The following PTH2R variants were observed in gnomAD, a reference collection of about 807,000 sequenced individuals.
The protein encoded by PTH2R is parathyroid hormone 2 receptor, also known as PTH2 receptor.
Under a neutral mutation model 60.3 loss-of-function variants are expected in PTH2R, and 59 were observed. The ratio of observed to expected loss-of-function variants is 0.98; its 90% CI spans 0.79 to 1.22. The LOEUF (loss-of-function observed/expected upper bound fraction) is 1.22, where lower values mean the gene tolerates loss of function less well. PTH2R is among the 50% of genes most tolerant of loss of function. The pLI is 0.00. For missense variants in PTH2R, 749 were observed against 682.6 expected, an observed-to-expected ratio of 1.10 and a Z score of -1.08; for synonymous variants, 256 against 243.8, an observed-to-expected ratio of 1.05 and a Z score of -0.47.
At chr2:208,373,980 C>A (rs1338413973) in intron 1 of PTH2R, among the ~76,000 whole-genome samples, 1 of 151,978 alleles carries the variant, frequency 6.6e-6, no homozygotes, top group Non-Finnish European at 1.5e-5. Flanking sequence ...GTATTTTTGT[C>A]CCTATATCAT....
Position 208,437,558 on chromosome 2 carries a change from G to A in PTH2R, c.200G>A (p.Trp67Ter), listed in dbSNP as rs1574872050. The A allele has an allele frequency of 6.2e-7, 1 of 1,611,318 alleles. No homozygotes were observed. Among genetic ancestry groups the A allele is most frequent in the Non-Finnish European group, 8.5e-7 (1 of 1,178,844 alleles). The change falls in exon 3 of 13, where the codon TGG (tryptophan) becomes TAG (stop). Residue 67 changes from tryptophan (W) to a stop codon, truncating the protein, a stop_gained. Transcript: ENST00000272847. LOFTEE classifies it high-confidence loss of function. Reference sequence around the variant, plus strand: ...TTAGAAGGTAATTGTTTCCCTGAATGGGATGGACTCATTTGTTGGCCCAGA... The same window carrying A: ...TTAGAAGGTAATTGTTTCCCTGAATAGGATGGACTCATTTGTTGGCCCAGA... ...QEGEGNCFPE[W>*]DGLICWPRGT...
At chr2:208,450,400 T>G (rs1453798300) in intron 7 of PTH2R, among the ~76,000 whole-genome samples, 1 of 152,184 alleles carries the variant, frequency 6.6e-6, no homozygotes, top group Non-Finnish European at 1.5e-5. Context: ...TGAGAGCATA[T>G]GATGGTCAGC....
intron 1 of PTH2R, among the ~76,000 whole-genome samples, chr2:208,427,468 A>G (rs115050840): frequency 9.9e-4 from 151 of 152,284 alleles, no homozygotes; most frequent in African/African-American, 3.4e-3. Flanking sequence ...CCCCAAAATT[A>G]GTTTTTGCTT....
intron 1 of PTH2R, among the ~76,000 whole-genome samples, chr2:208,372,725 A>G (rs1227665042): frequency 6.6e-6 from 1 of 152,118 alleles, no homozygotes; most frequent in African/African-American, 2.4e-5. Context: ...GGAAAAGAGT[A>G]CACAAAGAAT....
intron 1 of PTH2R, among the ~76,000 whole-genome samples, chr2:208,387,102 T>C (rs1305740299): frequency 6.6e-6 from 1 of 152,232 alleles, no homozygotes; most frequent in Non-Finnish European, 1.5e-5. Flanking sequence ...CTAAATGTTC[T>C]CTTCTTTTTG....
intron 1 of PTH2R, among the ~76,000 whole-genome samples, chr2:208,393,794 C>T (rs1701153346): frequency 6.6e-6 from 1 of 152,130 alleles, no homozygotes. Context: ...TGCTTAAGAT[C>T]CTGTAATGAG....
intron 4 of PTH2R, among the ~76,000 whole-genome samples, chr2:208,439,170 A>G (rs1206604013): frequency 6.6e-6 from 1 of 152,146 alleles, no homozygotes; most frequent in Non-Finnish European, 1.5e-5. Context: ...GGTTTTATTT[A>G]TATTGAACTC....
chr2:208,391,943 C>G (rs1237211463), intron 1 of PTH2R, among the ~76,000 whole-genome samples: 2 of 152,156 alleles, frequency 1.3e-5, no homozygotes, highest in Non-Finnish European at 2.9e-5. Context: ...CTGCAAGACC[C>G]TAACTTGAGT....
At chr2:208,376,080 C>G (rs759313376) in intron 1 of PTH2R, among the ~76,000 whole-genome samples, 4 of 152,132 alleles carry the variant, frequency 2.6e-5, no homozygotes, top group Non-Finnish European at 4.4e-5. Context: ...ACTAACAATT[C>G]TAAAAGGAAT....
At chr2:208,390,295 G>A (rs10206991) in intron 1 of PTH2R, among the ~76,000 whole-genome samples, 19,075 of 152,196 alleles carry the variant, frequency 0.13, 1,348 homozygotes, top group African/African-American at 0.19. Flanking sequence ...CTTTGCCACT[G>A]GGGGTGGAAT....
intron 9 of PTH2R, among the ~76,000 whole-genome samples, chr2:208,472,907 G>A (rs551087575): frequency 1.3e-5 from 2 of 152,296 alleles, no homozygotes; most frequent in South Asian, 2.1e-4. Context: ...ACTTGCCTGA[G>A]GTTATACATT....
chr2:208,426,699 G>A (rs1057428190), intron 1 of PTH2R, among the ~76,000 whole-genome samples: 8 of 152,090 alleles, frequency 5.3e-5, no homozygotes, highest in African/African-American at 1.7e-4. Flanking sequence ...GCTTGCACTC[G>A]CTTCGTCCTG....
At chr2:208,463,426 G>A (rs1046190375) in intron 9 of PTH2R, among the ~76,000 whole-genome samples, 2 of 152,098 alleles carry the variant, frequency 1.3e-5, no homozygotes, top group Non-Finnish European at 2.9e-5. Flanking sequence ...GGCTCTGGGC[G>A]AGACTGCCTT....
At chr2:208,362,312 TGAGCTAATTCC>T (rs1700489583) in intron 1 of PTH2R, among the ~76,000 whole-genome samples, 1 of 152,134 alleles carries the variant, frequency 6.6e-6, no homozygotes, top group African/African-American at 2.4e-5. Context: ...CATAATCATG[TGAGCTAATTCC>T]CATAATAAAT....
At chr2:208,469,702 G>A (rs1319244994) in intron 9 of PTH2R, 1 of 152,182 alleles carries the variant, frequency 6.6e-6, no homozygotes, top group Non-Finnish European at 1.5e-5. Flanking sequence ...ATTTTGTTCT[G>A]AAAATAAATG....
intron 9 of PTH2R, 48 bp downstream of exon 9, chr2:208,460,009 T>C (rs1215683040): frequency 6.6e-7 from 1 of 1,518,428 alleles, no homozygotes; most frequent in South Asian, 1.1e-5. Context: ...AAAATTAACC[T>C]GCTGCTAAAA....
chr2:208,443,750 A>G (rs1462177934), intron 6 of PTH2R, among the ~76,000 whole-genome samples: 2 of 152,178 alleles, frequency 1.3e-5, no homozygotes, highest in Non-Finnish European at 2.9e-5. Context: ...TTTTTTCCTC[A>G]AGAATATTCT....
chr2:208,491,245 T>G (rs1036203932), intron 12 of PTH2R, among the ~76,000 whole-genome samples: 6 of 152,182 alleles, frequency 3.9e-5, no homozygotes, highest in Non-Finnish European at 7.3e-5. Context: ...ACAGATACTT[T>G]TATTGCGGTA....
intron 10 of PTH2R, among the ~76,000 whole-genome samples, chr2:208,484,498 T>C (rs72973923): frequency 0.052 from 7,846 of 152,280 alleles, 258 homozygotes; most frequent in African/African-American, 0.076. Flanking sequence ...TAAAATTCAG[T>C]CATCTATTAG....
Sources: allele counts gnomAD v4.1 joint callset (sites outside exome capture counted in the v4.1 genomes callset), GRCh38; gene constraint gnomAD v4.1.1; transcripts MANE v1.5; gene names NCBI Gene and HGNC (gene_info 2026-07-23, HGNC 2026-07-21).